The following PFKP variants were observed in gnomAD, a reference collection of about 807,000 sequenced individuals.
The protein encoded by PFKP is ATP-dependent 6-phosphofructokinase, platelet type.
In PFKP, 101 loss-of-function variants were observed where a neutral mutation model predicts 94.3. That is an observed-to-expected ratio of 1.07 (90% CI 0.91 to 1.26). PFKP has a LOEUF of 1.26. PFKP is among the 50% of genes most tolerant of loss of function. The pLI, the probability that PFKP is intolerant of heterozygous loss-of-function variation, is 0.00. For synonymous variants in PFKP, 573 were observed against 432.6 expected, an observed-to-expected ratio of 1.32 and a Z score of -4.03; for missense variants, 1,145 against 1,103.3, an observed-to-expected ratio of 1.04 and a Z score of -0.53.
chr10:3,081,912 G>A (rs1833108118), intron 1 of PFKP, among the ~76,000 whole-genome samples: 1 of 144,908 alleles, frequency 6.9e-6, no homozygotes, highest in Non-Finnish European at 1.5e-5. Flanking sequence ...TTTGTAATAT[G>A]CTGGTTTATT....
intron 7 of PFKP, among the ~76,000 whole-genome samples, chr10:3,106,988 T>C (rs1177945457): frequency 2.4e-4 from 3 of 12,698 alleles, no homozygotes; most frequent in Non-Finnish European, 4.1e-4. Context: ...CCCCTGCCCC[T>C]CTCCTCGCCC....
intron 2 of PFKP, among the ~76,000 whole-genome samples, chr10:3,091,486 T>C (rs911831764): frequency 1.3e-5 from 2 of 152,198 alleles, no homozygotes; most frequent in African/African-American, 4.8e-5. Context: ...ATTTCAGAAA[T>C]TGTTCATATT....
At chr10:3,131,516 G>A (rs865836104) in intron 17 of PFKP, among the ~76,000 whole-genome samples, 1 of 152,104 alleles carries the variant, frequency 6.6e-6, no homozygotes, top group African/African-American at 2.4e-5. Flanking sequence ...GAGTGTAGTG[G>A]CACAATCTCG....
At chr10:3,101,344 A>G in intron 3 of PFKP, 21 bp from the exon 4 acceptor site, 2 of 1,560,144 alleles carry the variant, frequency 1.3e-6, no homozygotes, top group Non-Finnish European at 1.7e-6. Context: ...GAGGAGATAA[A>G]TTAGCTGGTG....
At position 3,079,424 on chromosome 10, in the gene PFKP, C is replaced by T. The variant is rs528966518; in HGVS notation, c.113-2964C>T. 3.8e-4 allele frequency among the ~76,000 whole-genome samples: 58 copies of T among 151,976 alleles called. No individual in the cohort carries two copies. In the Middle Eastern group the frequency reaches 0.014, roughly 36 times the overall value. ...TAATTTTTTGTATTTTTAGTAGAGA[C>T]GGGGTTTCACCATGTTAGCCAGGAT... On this transcript the variant is annotated intron_variant, in intron 1 of 21. Transcript: ENST00000381125.
chr10:3,082,623 A>G (rs770178230), intron 2 of PFKP, among the ~76,000 whole-genome samples, 162 bp downstream of exon 2: 12 of 152,202 alleles, frequency 7.9e-5, no homozygotes, highest in Admixed American at 2.0e-4. Context: ...CAGCCCACAG[A>G]AGCCCCTGGT....
chr10:3,088,962 T>C (rs1392294087), intron 2 of PFKP, among the ~76,000 whole-genome samples: 3 of 152,160 alleles, frequency 2.0e-5, no homozygotes, highest in East Asian at 1.9e-4. Context: ...TACAGAGTTT[T>C]GCTCTGTTGC....
At chr10:3,133,724 C>T (rs1392447363) in intron 19 of PFKP, among the ~76,000 whole-genome samples, 1 of 152,200 alleles carries the variant, frequency 6.6e-6, no homozygotes, top group East Asian at 1.9e-4. Flanking sequence ...AGCCACTGTG[C>T]CCAGCCAAAA....
intron 1 of PFKP, among the ~76,000 whole-genome samples, chr10:3,068,444 A>G (rs1831905765): frequency 6.6e-6 from 1 of 151,926 alleles, no homozygotes; most frequent in Non-Finnish European, 1.5e-5. Flanking sequence ...AAAAACGAAA[A>G]CCAAAATGGG....
chr10:3,092,306 TG>T (rs1834107816), intron 2 of PFKP, among the ~76,000 whole-genome samples: 1 of 152,222 alleles, frequency 6.6e-6, no homozygotes, highest in Admixed American at 6.5e-5. Flanking sequence ...ATGAATTGAT[TG>T]GCATCATGCT....
In PFKP at chr10:3,081,789, A is replaced by G. The variant is rs575414635; in HGVS notation, c.113-599A>G. Among the ~76,000 whole-genome samples, 199 of 152,308 alleles carry G rather than the reference A, an allele frequency of 1.3e-3. 2 individuals are homozygous for G. The highest frequency in any genetic ancestry group is 0.01 in the Middle Eastern group (3 of 294). On this transcript the variant is annotated intron_variant, in intron 1 of 21. Coordinates refer to ENST00000381125, the MANE Select transcript of PFKP (RefSeq NM_002627.5). ...GATACATTGTAAATAGACATGATACATTGTAAACAGACCTACATGATGATA... is the reference window on the plus strand; with the variant it reads ...GATACATTGTAAATAGACATGATACGTTGTAAACAGACCTACATGATGATA...
chr10:3,105,541 G>C, intron 7 of PFKP, 40 bp downstream of exon 7: 1 of 1,372,230 alleles, frequency 7.3e-7, no homozygotes, highest in Non-Finnish European at 1.0e-6. Context: ...GGGCGATGCT[G>C]GCTGCATTGC....
Position 3,079,657 on chromosome 10 carries a change from CGGGGTG to C in PFKP, c.113-2726_113-2721del, listed in dbSNP as rs1214439897. ...CGGTGGGAACGAGGTCTTCAGAGAG[CGGGGTG>C]GGGGGGGGGGGAAGAGGAGCAGGGG... is the stretch of plus-strand genomic sequence containing the variant. On this transcript the variant is annotated intron_variant, in intron 1 of 21. Transcript: ENST00000381125. Among the ~76,000 whole-genome samples the C allele has an allele frequency of 7.7e-4, 6 of 7,792 alleles. 1 individual carries two copies. Among genetic ancestry groups the C allele is most frequent in the Non-Finnish European group, 1.2e-3 (4 of 3,246 alleles). The allele number at this position is 7,792 out of a possible 152,430, so 5.1% of individuals were successfully genotyped here.
intron 18 of PFKP, 141 bp from the exon 19 acceptor site, chr10:3,133,062 A>C (rs1838781266): frequency 2.9e-6 from 2 of 683,858 alleles, no homozygotes; most frequent in Non-Finnish European, 5.3e-6. Flanking sequence ...CAAAACCGTG[A>C]ACTGGAGGGA....
chr10:3,068,539 C>A (rs1211584329), intron 1 of PFKP: 2 of 357,624 alleles, frequency 5.6e-6, no homozygotes, highest in Non-Finnish European at 7.8e-6. Context: ...GCGGCGCGGG[C>A]TCCGGGCTTC....
intron 2 of PFKP, among the ~76,000 whole-genome samples, chr10:3,088,830 C>T (rs529243252): frequency 6.6e-6 from 1 of 152,002 alleles, no homozygotes; most frequent in Admixed American, 6.6e-5. Context: ...CCCTCCCCTT[C>T]CATACCTCTG....
intron 1 of PFKP, among the ~76,000 whole-genome samples, chr10:3,079,708 C>G (rs1832897664): frequency 7.4e-6 from 1 of 134,540 alleles, no homozygotes; most frequent in Non-Finnish European, 1.6e-5. Flanking sequence ...GCCATTGGGT[C>G]TTAGTTGTGC....
At chr10:3,101,765 G>A (rs534004843) in intron 4 of PFKP, among the ~76,000 whole-genome samples, 2 of 152,162 alleles carry the variant, frequency 1.3e-5, no homozygotes, top group Non-Finnish European at 2.9e-5. Flanking sequence ...GGCACCCTTC[G>A]ACCTTTCACA....
At chr10:3,115,457 G>C (rs1262214162) in intron 13 of PFKP, among the ~76,000 whole-genome samples, 2 of 14,330 alleles carry the variant, frequency 1.4e-4, no homozygotes, top group East Asian at 0.021. Context: ...CGGGGTGAAG[G>C]TGTGTGTCCC....
Sources: allele counts gnomAD v4.1 joint callset (sites outside exome capture counted in the v4.1 genomes callset), GRCh38; gene constraint gnomAD v4.1.1; transcripts MANE v1.5; gene names NCBI Gene and HGNC (gene_info 2026-07-23, HGNC 2026-07-21).